The following HS6ST3 variants were observed in gnomAD, a reference collection of about 807,000 sequenced individuals.
The protein encoded by HS6ST3 is heparan-sulfate 6-O-sulfotransferase 3.
A neutral mutation model predicts 36.7 loss-of-function variants in HS6ST3; 12 were observed. The observed-to-expected ratio is 0.33, with a 90% confidence interval of 0.21 to 0.53. The LOEUF is 0.53. Among genes scored for constraint, HS6ST3 ranks in the 20% least tolerant of loss-of-function variants. HS6ST3 has a pLI of 0.95. For missense variants in HS6ST3, 584 were observed against 640.9 expected (o/e 0.91, Z 0.96); for synonymous variants, 240 against 257.5 (o/e 0.93, Z 0.65).
chr13:96,713,347 A>G (rs1875609394), intron 1 of HS6ST3, among the ~76,000 whole-genome samples: 1 of 152,192 alleles, frequency 6.6e-6, no homozygotes, highest in African/African-American at 2.4e-5. Flanking sequence ...TTAAATGTCC[A>G]TTAGATCTTA....
intron 1 of HS6ST3, among the ~76,000 whole-genome samples, chr13:96,493,758 T>A (rs574700263): frequency 2.2e-4 from 33 of 152,348 alleles, no homozygotes; most frequent in African/African-American, 7.5e-4. Context: ...TATGTCTTTT[T>A]AACTTCAAAT....
intron 1 of HS6ST3, among the ~76,000 whole-genome samples, chr13:96,755,050 G>A (rs1244725731): frequency 2.6e-5 from 4 of 151,756 alleles, no homozygotes; most frequent in Non-Finnish European, 4.4e-5. Flanking sequence ...CAGATCTTAA[G>A]TATATAATTT....
chr13:96,154,638 A>G (rs1427604100), intron 1 of HS6ST3, among the ~76,000 whole-genome samples: 1 of 152,178 alleles, frequency 6.6e-6, no homozygotes, highest in Non-Finnish European at 1.5e-5. Flanking sequence ...AGATAAAGAT[A>G]ATGAACAGAT....
At chr13:96,107,766 ACTGCGGTTT>A (rs1244668942) in intron 1 of HS6ST3, among the ~76,000 whole-genome samples, 1 of 152,176 alleles carries the variant, frequency 6.6e-6, no homozygotes, top group East Asian at 1.9e-4. Flanking sequence ...GCCTGTCTTT[ACTGCGGTTT>A]CTGAACATAA....
intron 1 of HS6ST3, among the ~76,000 whole-genome samples, chr13:96,283,589 A>G (rs555135405): frequency 6.6e-6 from 1 of 152,240 alleles, no homozygotes; most frequent in Admixed American, 6.5e-5. Context: ...CTTTTAATAT[A>G]TAGTTTTGTC....
At chr13:96,509,125 T>C (rs887787436) in intron 1 of HS6ST3, among the ~76,000 whole-genome samples, 7 of 152,180 alleles carry the variant, frequency 4.6e-5, no homozygotes. Flanking sequence ...AGTTTTTTCA[T>C]ATCGTTATTG....
intron 1 of HS6ST3, among the ~76,000 whole-genome samples, chr13:96,342,228 T>G (rs1261821970): frequency 6.6e-6 from 1 of 152,236 alleles, no homozygotes; most frequent in African/African-American, 2.4e-5. Context: ...CCTTTTCATA[T>G]TTGGACATTT....
chr13:96,276,274 T>C (rs1453950574), intron 1 of HS6ST3, among the ~76,000 whole-genome samples: 1 of 152,120 alleles, frequency 6.6e-6, no homozygotes, highest in Non-Finnish European at 1.5e-5. Flanking sequence ...CTGTCTTCTG[T>C]TCTGTGGAAC....
At chr13:96,747,755 G>T (rs970552555) in intron 1 of HS6ST3, among the ~76,000 whole-genome samples, 1 of 152,016 alleles carries the variant, frequency 6.6e-6, no homozygotes, top group African/African-American at 2.4e-5. Flanking sequence ...TAATGAGAAG[G>T]ATCTCACTGT....
chr13:96,535,242 A>G (rs1219825372), intron 1 of HS6ST3, among the ~76,000 whole-genome samples: 1 of 152,094 alleles, frequency 6.6e-6, no homozygotes, highest in Non-Finnish European at 1.5e-5. Context: ...ATTATTCTAT[A>G]GGTATGCGTG....
At chr13:96,382,795 A>T (rs970410654) in intron 1 of HS6ST3, among the ~76,000 whole-genome samples, 1 of 152,228 alleles carries the variant, frequency 6.6e-6, no homozygotes, top group African/African-American at 2.4e-5. Flanking sequence ...TATCAAAGTT[A>T]TGAAGAACTA....
intron 1 of HS6ST3, among the ~76,000 whole-genome samples, chr13:96,704,395 G>A (rs1875366444): frequency 6.6e-6 from 1 of 152,154 alleles, no homozygotes; most frequent in Non-Finnish European, 1.5e-5. Context: ...AAACACCCTT[G>A]TCAAGAGAAA....
At chr13:96,641,075 T>C (rs1429908328) in intron 1 of HS6ST3, among the ~76,000 whole-genome samples, 14 of 151,940 alleles carry the variant, frequency 9.2e-5, no homozygotes, top group Non-Finnish European at 1.5e-5. Flanking sequence ...TAGTTTTTTT[T>C]CCTAGTTATG....
intron 1 of HS6ST3, among the ~76,000 whole-genome samples, chr13:96,145,937 C>T (rs1379835243): frequency 1.3e-5 from 2 of 152,080 alleles, no homozygotes; most frequent in Non-Finnish European, 2.9e-5. Context: ...TTGTTTTTGT[C>T]AGGTTTGTCA....
rs1429135499 is a variant in HS6ST3, at chr13:96,837,356, T to C, written c.*4158T>C. ...CCTCATTACATTCTTGTGTGCTAAA[T>C]AGGACCTCTATTCATTACACCACTT... On this transcript the variant is annotated 3_prime_UTR_variant, in exon 2 of 2. Coordinates refer to ENST00000376705, the MANE Select transcript of HS6ST3 (RefSeq NM_153456.4). 1 of 152,198 alleles carries C rather than the reference T, an allele frequency of 6.6e-6. No individual in the cohort carries two copies. The highest frequency in any genetic ancestry group is 1.5e-5 in the Non-Finnish European group (1 of 68,042). 9.4% of individuals were successfully genotyped at this position (152,198 alleles called of 1,614,324 possible).
At chr13:96,189,859 G>T (rs2054280919) in intron 1 of HS6ST3, among the ~76,000 whole-genome samples, 1 of 152,056 alleles carries the variant, frequency 6.6e-6, no homozygotes, top group African/African-American at 2.4e-5. Context: ...TTTGCTCACA[G>T]GGCTTTGGTT....
chr13:96,328,817 CTT>C (rs1242598813), intron 1 of HS6ST3, among the ~76,000 whole-genome samples: 1 of 152,070 alleles, frequency 6.6e-6, no homozygotes, highest in Non-Finnish European at 1.5e-5. Flanking sequence ...GTCCTGGACT[CTT>C]TTTGGTTGGT....
chr13:96,536,523 T>A (rs996203834), intron 1 of HS6ST3, among the ~76,000 whole-genome samples: 3 of 152,190 alleles, frequency 2.0e-5, no homozygotes, highest in Admixed American at 2.0e-4. Flanking sequence ...TGATCAAATA[T>A]AAAGGGCAGT....
chr13:96,417,581 CAT>C (rs199802007), intron 1 of HS6ST3, among the ~76,000 whole-genome samples: 17 of 102,446 alleles, frequency 1.7e-4, no homozygotes, highest in East Asian at 2.9e-4. Flanking sequence ...AAAAAAATAG[CAT>C]ATATATATGT....
Sources: gnomAD v4.1 joint callset for allele counts (sites outside exome capture counted in the v4.1 genomes callset) on GRCh38, gnomAD v4.1.1 for gene constraint, MANE v1.5 for transcripts, NCBI Gene and HGNC (gene_info 2026-07-23, HGNC 2026-07-21) for gene names.